USP6NL: variants seen among roughly 807,000 people sequenced by gnomAD.
USP6NL encodes USP6 N-terminal like, also known as USP6 N-terminal-like protein.
Under a neutral mutation model 61.9 loss-of-function variants are expected in USP6NL, and 26 were observed. The observed-to-expected ratio is 0.42, with a 90% CI of 0.31 to 0.58. The LOEUF (loss-of-function observed/expected upper bound fraction) is 0.58, where lower values mean the gene tolerates loss of function less well. USP6NL is among the 20% of genes least tolerant of loss of function. The pLI, the probability that USP6NL is intolerant of heterozygous loss-of-function variation, is 0.16. For missense variants in USP6NL, 1,114 were observed against 1,034.3 expected (o/e 1.08, Z -1.06); for synonymous variants, 432 against 390.1 (o/e 1.11, Z -1.27).
Position 11,481,680 on chromosome 10 carries a change from C to CA in USP6NL, c.1078+89_1078+90insT. The CA allele has an allele frequency of 7.3e-7, 1 of 1,361,746 alleles. No homozygotes were observed. Among genetic ancestry groups the CA allele is most frequent in the Non-Finnish European group, 9.8e-7 (1 of 1,019,142 alleles). The allele number at this position is 1,361,746 out of a possible 1,614,324, so 84.4% of individuals were successfully genotyped here. ...TATGTCATCACAAGTATAATGCTTACGCTGTGGGCAAGAAACAGCCCATGT... is the reference window on the plus strand; with the variant it reads ...TATGTCATCACAAGTATAATGCTTACAGCTGTGGGCAAGAAACAGCCCATGT... On this transcript the variant is annotated intron_variant, in intron 14 of 14. Transcript: ENST00000609104. The surrounding 1 kb of genome is among the most constrained non-coding windows in gnomAD (Gnocchi z 4.4).
Position 11,462,360 on chromosome 10 carries a change from A to G in USP6NL, c.*81T>C. The G allele has an allele frequency of 6.8e-7, 1 of 1,469,824 alleles. No individual in the cohort carries two copies. Among genetic ancestry groups the G allele is most frequent in the Admixed American group, 2.3e-5 (1 of 43,458 alleles). The allele number at this position is 1,469,824 out of a possible 1,614,324, so 91.0% of individuals were successfully genotyped here. On this transcript the variant is annotated 3_prime_UTR_variant, in exon 15 of 15. Transcript: ENST00000609104. ...GTGCGAGTTGTTTACAATAGTATAA[A>G]TACTGCTTTGGCAATTATGAACATA... is the stretch of plus-strand genomic sequence containing the variant.
At position 11,513,561 on chromosome 10, in the gene USP6NL, T is replaced by A. The variant is rs2133358374; in HGVS notation, c.196-3886A>T. 6.6e-6 allele frequency among the ~76,000 whole-genome samples: 1 copy of A among 152,360 alleles called. No homozygotes were observed. The highest frequency in any genetic ancestry group is 2.1e-4 in the South Asian group (1 of 4,828). ...TAAATGCTTCATGAGACCCACAGAT[T>A]ATTAACCTTTTGCTAGATTTCATTT... On this transcript the variant is annotated intron_variant, in intron 5 of 14. Transcript: ENST00000609104. This position sits in a 1 kb window ranked among gnomAD's most constrained non-coding sequence, Gnocchi z 4.7.
In USP6NL at chr10:11,525,263, A is replaced by G. The variant is rs1835369444; in HGVS notation, c.155+123T>C. 1 of 675,666 alleles carries G rather than the reference A, an allele frequency of 1.5e-6. No homozygotes were observed. Among genetic ancestry groups the G allele is most frequent in the Non-Finnish European group, 2.3e-6 (1 of 428,752 alleles). 41.9% of individuals were successfully genotyped at this position (675,666 alleles called of 1,614,324 possible). On this transcript the variant is annotated intron_variant, in intron 4 of 14. Coordinates refer to ENST00000609104, the MANE Select transcript of USP6NL (RefSeq NM_014688.5). The surrounding 1 kb of genome is among the most constrained non-coding windows in gnomAD (Gnocchi z 5.0). ...AGAAACCTAGGAATTTAGTATCAAA[A>G]CGCATATTGTAAGACTATTCCTTAT...
chr10:11,563,406 CCACACA>C (rs139573903), intron 2 of USP6NL: 1 of 150,678 alleles, frequency 6.6e-6, no homozygotes, highest in African/African-American at 2.4e-5. Flanking sequence ...CGAGGACCCA[CCACACA>C]CACACACACA....
rs549203698 is a variant in USP6NL, at chr10:11,510,357, G to T, written c.196-682C>A. On this transcript the variant is annotated intron_variant, in intron 5 of 14. Transcript: ENST00000609104. This position sits in a 1 kb window ranked among gnomAD's most constrained non-coding sequence, Gnocchi z 4.8. ...AGGAACAGAGAGATTATTAGGGTTT[G>T]TTTTTTTTTAATCAAATGCAATGTG... 2.2e-4 allele frequency among the ~76,000 whole-genome samples: 34 copies of T among 151,348 alleles called. No homozygotes were observed. In the East Asian group the frequency reaches 3.9e-3, roughly 17 times the overall value.
intron 2 of USP6NL, among the ~76,000 whole-genome samples, chr10:11,542,320 C>T (rs1024018094): frequency 6.6e-6 from 1 of 152,074 alleles, no homozygotes; most frequent in Non-Finnish European, 1.5e-5. Flanking sequence ...GTGAAAAATG[C>T]TCTTTAATAG....
chr10:11,578,363 T>C (rs950947818), intron 2 of USP6NL, among the ~76,000 whole-genome samples: 3 of 152,238 alleles, frequency 2.0e-5, no homozygotes, highest in African/African-American at 7.2e-5. Flanking sequence ...AGACCATCAA[T>C]ACAATCTTTA....
intron 13 of USP6NL, among the ~76,000 whole-genome samples, chr10:11,483,675 GGAGA>G (rs1169613835): frequency 1.2e-5 from 1 of 83,722 alleles, no homozygotes; most frequent in African/African-American, 4.7e-5. Context: ...AGGGAGGGAG[GGAGA>G]GAGGTGGGGG....
In USP6NL at chr10:11,501,175, G is replaced by A; in HGVS notation, c.310C>T (p.Gln104Ter). The A allele has an allele frequency of 6.2e-7, 1 of 1,612,712 alleles. No individual in the cohort carries two copies. The highest frequency in any genetic ancestry group is 8.5e-7 in the Non-Finnish European group (1 of 1,179,514). ...AGGGCCCAGACTTCACCTCTGAGCT[G>A]GAGTGGTATTCCTTTGTAAATTCGC... ...HRRIYKGIPLQLRGEVWALLL... is the reference protein window; with the variant it reads ...HRRIYKGIPL Residue 104 changes from glutamine (Q) to a stop codon, truncating the protein, a stop_gained, in exon 7 of 15, where the codon CAG (glutamine) becomes TAG (stop). Coordinates refer to ENST00000609104, the MANE Select transcript of USP6NL (RefSeq NM_014688.5). LOFTEE classifies it high-confidence loss of function.
rs1233337867 is a variant in USP6NL at position 11,561,361 on chromosome 10, T to C, written c.5-33794A>G. 6.6e-6 allele frequency among the ~76,000 whole-genome samples: 1 copy of C among 152,224 alleles called. No individual in the cohort carries two copies. The highest frequency in any genetic ancestry group is 1.5e-5 in the Non-Finnish European group (1 of 68,030). ...TTGGTGGGTTTCCATAAAGTCTTTC[T>C]CCTTTGCACATTCTAAAACAGATTT... On this transcript the variant is annotated intron_variant, in intron 2 of 14. Coordinates refer to ENST00000609104, the MANE Select transcript of USP6NL (RefSeq NM_014688.5). The surrounding 1 kb of genome is among the most constrained non-coding windows in gnomAD (Gnocchi z 4.1).
rs1205585703 is a variant in USP6NL, at chr10:11,463,411, C to A, written c.1517G>T (p.Gly506Val). The part of the protein sequence containing the change: ...TERTAKYTME[G>V]KGRAAHPALA... ...CGCGGGGTGCGCTGCTCGACCTTTG[C>A]CTTCCATGGTGTATTTGGCAGTTCT... The change falls in exon 15 of 15, where the codon GGC becomes GTC. Residue 506 changes from glycine to valine, a missense_variant. Transcript: ENST00000609104. The surrounding 1 kb of genome is among the most constrained non-coding windows in gnomAD (Gnocchi z 6.3). The A allele has an allele frequency of 6.2e-7, 1 of 1,614,040 alleles. No homozygotes were observed. The highest frequency in any genetic ancestry group is 1.7e-5 in the Admixed American group (1 of 60,028).
chr10:11,531,675 A>AG (rs1200381534), intron 2 of USP6NL, among the ~76,000 whole-genome samples: 14 of 152,010 alleles, frequency 9.2e-5, no homozygotes, highest in Non-Finnish European at 1.9e-4. Context: ...GTTTAAAAAA[A>AG]AAAAAAAAAC....
chr10:11,609,024 T>C (rs1838793409), intron 1 of USP6NL, among the ~76,000 whole-genome samples: 1 of 152,164 alleles, frequency 6.6e-6, no homozygotes, highest in African/African-American at 2.4e-5. Context: ...CTCAATATAA[T>C]GAAATCATAT....
rs1211265824 is a variant in USP6NL at position 11,597,115 on chromosome 10, T to A, written c.4+516A>T. Among the ~76,000 whole-genome samples the A allele has an allele frequency of 6.6e-6, 1 of 152,064 alleles. No individual in the cohort carries two copies. Among genetic ancestry groups the A allele is most frequent in the African/African-American group, 2.4e-5 (1 of 41,406 alleles). ...GAAGTATATAGGAATAGAGAGAAAA[T>A]ATTACATATACTATCCCCTTACAAC... On this transcript the variant is annotated intron_variant, in intron 2 of 14. Transcript: ENST00000609104. The surrounding 1 kb of genome is among the most constrained non-coding windows in gnomAD (Gnocchi z 4.6).
chr10:11,487,983 A>AT lies in USP6NL; in HGVS notation c.664+1118dup, dbSNP rs1480184672. Among the ~76,000 whole-genome samples, 4 of 152,246 alleles carry AT rather than the reference A, an allele frequency of 2.6e-5. No homozygotes were observed. On this transcript the variant is annotated intron_variant, in intron 10 of 14. Transcript: ENST00000609104. This position sits in a 1 kb window ranked among gnomAD's most constrained non-coding sequence, Gnocchi z 4.2. ...TGAACTTGGAAGATCCATTCTTAGA[A>AT]TAACTAGTGTTAAAATTATTTTAAA...
Position 11,513,782 on chromosome 10 carries a change from C to G in USP6NL, c.196-4107G>C, listed in dbSNP as rs1382351994. On this transcript the variant is annotated intron_variant, in intron 5 of 14. Transcript: ENST00000609104. This position sits in a 1 kb window ranked among gnomAD's most constrained non-coding sequence, Gnocchi z 4.7. ...CCTATATACCAAATTCCCCACTTGCCCCAAGACTGTTCTTTATAGCTGGTT... is the reference window on the plus strand; with the variant it reads ...CCTATATACCAAATTCCCCACTTGCGCCAAGACTGTTCTTTATAGCTGGTT... Among the ~76,000 whole-genome samples, 1 of 152,162 alleles carries G rather than the reference C, an allele frequency of 6.6e-6. No individual in the cohort carries two copies. Among genetic ancestry groups the G allele is most frequent in the East Asian group, 1.9e-4 (1 of 5,194 alleles).
chr10:11,543,081 CATT>C (rs949769832), intron 2 of USP6NL, among the ~76,000 whole-genome samples: 6 of 152,130 alleles, frequency 3.9e-5, no homozygotes, highest in Non-Finnish European at 7.4e-5. Context: ...ACTAACGTAT[CATT>C]ATTACCTGGG....
At chr10:11,507,117 G>A (rs1331077228) in intron 6 of USP6NL, among the ~76,000 whole-genome samples, 2 of 152,214 alleles carry the variant, frequency 1.3e-5, no homozygotes, top group Non-Finnish European at 2.9e-5. Context: ...CAGAGTTGCT[G>A]TCAGAATAAT....
intron 2 of USP6NL, among the ~76,000 whole-genome samples, chr10:11,559,733 A>C (rs1378588400): frequency 6.6e-6 from 1 of 152,198 alleles, no homozygotes; most frequent in African/African-American, 2.4e-5. Context: ...GATCGTGGAG[A>C]TAGATGGCTG....
Sources: allele counts gnomAD v4.1 joint callset (sites outside exome capture counted in the v4.1 genomes callset), GRCh38; gene constraint gnomAD v4.1.1; non-coding constraint Gnocchi (gnomAD v3.1); transcripts MANE v1.5; gene names NCBI Gene and HGNC (gene_info 2026-07-23, HGNC 2026-07-21).